PDE3A: variants seen among roughly 807,000 people sequenced by gnomAD.
The protein encoded by PDE3A is cGMP-inhibited 3',5'-cyclic phosphodiesterase 3A.
PDE3A carries 43 observed loss-of-function variants against 98.3 expected under a neutral mutation model. The ratio of observed to expected loss-of-function variants is 0.44; its 90% CI spans 0.34 to 0.56. The LOEUF is 0.56. Ranked by LOEUF, PDE3A falls within the 20% of genes least tolerant of loss-of-function variation. The probability of loss-of-function intolerance (pLI) is 0.01; values close to 1 mark genes in which losing one functional copy is unlikely to be tolerated. For missense variants in PDE3A, 1,427 were observed against 1,440.7 expected (o/e 0.99, Z 0.15); for synonymous variants, 663 against 567.9 (o/e 1.17, Z -2.38).
intron 15 of PDE3A, among the ~76,000 whole-genome samples, chr12:20,657,561 A>G (rs924049483): frequency 8.5e-5 from 13 of 152,222 alleles, no homozygotes; most frequent in African/African-American, 2.9e-4. Context: ...AGATTCCTAC[A>G]GTGAACTAAG....
intron 1 of PDE3A, among the ~76,000 whole-genome samples, chr12:20,451,303 T>C (rs1945059936): frequency 6.6e-6 from 1 of 152,234 alleles, no homozygotes; most frequent in South Asian, 2.1e-4. Flanking sequence ...AGGTGGAGTC[T>C]TGCTCTGTCT....
At chr12:20,507,942 CT>C (rs1946148817) in intron 1 of PDE3A, among the ~76,000 whole-genome samples, 1 of 152,178 alleles carries the variant, frequency 6.6e-6, no homozygotes, top group Admixed American at 6.5e-5. Context: ...CTTTCAGAAC[CT>C]GAGTCAGTTA....
chr12:20,491,104 T>A (rs1372995260), intron 1 of PDE3A, among the ~76,000 whole-genome samples: 1 of 152,182 alleles, frequency 6.6e-6, no homozygotes, highest in Non-Finnish European at 1.5e-5. Flanking sequence ...TACTTTTCTA[T>A]TCAAGAATTT....
At position 20,646,966 on chromosome 12, in the gene PDE3A, T is replaced by C; in HGVS notation, c.2565+16T>C. On this transcript the variant is annotated intron_variant, in intron 12 of 15. Coordinates refer to ENST00000359062, the MANE Select transcript of PDE3A (RefSeq NM_000921.5). Reference sequence around the variant, plus strand: ...TGCTCCTCAGGTAAATCTTTAGATTTTGGTTAGGAGAACTAATTTAAAGAT... The same window carrying C: ...TGCTCCTCAGGTAAATCTTTAGATTCTGGTTAGGAGAACTAATTTAAAGAT... 1 of 1,578,656 alleles carries C rather than the reference T, an allele frequency of 6.3e-7. No individual in the cohort carries two copies. The highest frequency in any genetic ancestry group is 2.2e-5 in the East Asian group (1 of 44,678).
At chr12:20,461,562 G>T (rs112693745) in intron 1 of PDE3A, among the ~76,000 whole-genome samples, 5,359 of 152,098 alleles carry the variant, frequency 0.035, 140 homozygotes, top group Middle Eastern at 0.065. Context: ...TTTACATAAA[G>T]ATATAAAACA....
At chr12:20,610,671 C>T (rs1355727188) in intron 2 of PDE3A, among the ~76,000 whole-genome samples, 10 of 151,860 alleles carry the variant, frequency 6.6e-5, no homozygotes, top group East Asian at 1.9e-4. Flanking sequence ...TATGCACACA[C>T]GTATATACAT....
intron 1 of PDE3A, among the ~76,000 whole-genome samples, chr12:20,400,379 GTTTTTTTTTTTTTTTTTTTTTTTTTTT>G (rs75851941): frequency 3.6e-5 from 4 of 110,262 alleles, no homozygotes; most frequent in Non-Finnish European, 7.0e-5. Context: ...GTTAACATTG[GTTTTTTTTTTTTTTTTTTTTTTTTTTT>G]TTTTTTTTTT....
At chr12:20,475,359 T>C (rs1371587055) in intron 1 of PDE3A, among the ~76,000 whole-genome samples, 1 of 152,062 alleles carries the variant, frequency 6.6e-6, no homozygotes, top group East Asian at 1.9e-4. Flanking sequence ...GGCATAATCT[T>C]AGTAAAGCGT....
intron 1 of PDE3A, among the ~76,000 whole-genome samples, chr12:20,541,491 G>A (rs964806117): frequency 6.6e-6 from 1 of 151,964 alleles, no homozygotes; most frequent in Non-Finnish European, 1.5e-5. Context: ...CAAGTCTCTC[G>A]GTTCTTGTAC....
At chr12:20,643,813 T>G (rs1234697210) in intron 10 of PDE3A, among the ~76,000 whole-genome samples, 2 of 152,132 alleles carry the variant, frequency 1.3e-5, no homozygotes, top group African/African-American at 4.8e-5. Flanking sequence ...GTTGAAAGTT[T>G]GTTTTTTGTT....
At chr12:20,445,445 A>G (rs1186487737) in intron 1 of PDE3A, among the ~76,000 whole-genome samples, 2 of 152,144 alleles carry the variant, frequency 1.3e-5, no homozygotes, top group African/African-American at 4.8e-5. Context: ...ACCCTGAAAA[A>G]CTTTCCCTCG....
intron 2 of PDE3A, among the ~76,000 whole-genome samples, chr12:20,565,416 T>A (rs1416851267): frequency 6.6e-6 from 1 of 152,046 alleles, no homozygotes; most frequent in East Asian, 1.9e-4. Flanking sequence ...AGGGAAGTTC[T>A]GTGGGTGGAT....
chr12:20,380,915 A>T (rs746282306), intron 1 of PDE3A, among the ~76,000 whole-genome samples: 7 of 151,912 alleles, frequency 4.6e-5, no homozygotes, highest in Non-Finnish European at 8.8e-5. Flanking sequence ...AAGCAAAATC[A>T]TTTAACTTTG....
intron 1 of PDE3A, among the ~76,000 whole-genome samples, chr12:20,391,210 G>A (rs1260724664): frequency 6.6e-6 from 1 of 151,580 alleles, no homozygotes; most frequent in African/African-American, 2.4e-5. Context: ...ATCAGGTTGA[G>A]TTCCACTTTG....
chr12:20,377,569 GT>G (rs1050308577), intron 1 of PDE3A, among the ~76,000 whole-genome samples: 1 of 151,652 alleles, frequency 6.6e-6, no homozygotes, highest in African/African-American at 2.4e-5. Context: ...AGATACTAAT[GT>G]CACCTCTTCA....
intron 1 of PDE3A, among the ~76,000 whole-genome samples, chr12:20,395,185 C>A (rs1591882150): frequency 6.6e-6 from 1 of 152,022 alleles, no homozygotes; most frequent in East Asian, 2.0e-4. Flanking sequence ...AATGATTAGT[C>A]TCTCTGAGAC....
intron 1 of PDE3A, among the ~76,000 whole-genome samples, chr12:20,395,474 A>G (rs1943993473): frequency 7.5e-6 from 1 of 132,482 alleles, no homozygotes; most frequent in Non-Finnish European, 1.6e-5. Flanking sequence ...TATGTATACT[A>G]TGTATACACA....
At chr12:20,458,395 C>A (rs916714071) in intron 1 of PDE3A, among the ~76,000 whole-genome samples, 6 of 150,526 alleles carry the variant, frequency 4.0e-5, no homozygotes, top group East Asian at 2.0e-4. Context: ...AAAAAAAAAA[C>A]CAATTTTGGG....
chr12:20,646,549 C>A lies in PDE3A; in HGVS notation c.2311C>A (p.Pro771Thr). Reference protein sequence around the residue: ...LHAVWYLTTQPIPGLSTVIND... With the variant: ...LHAVWYLTTQTIPGLSTVIND... ...TGCTGTTTGGTATCTTACTACACAG[C>A]CTATTCCAGGCCTCTCAACTGTGAT... is the stretch of plus-strand genomic sequence containing the variant. Residue 771 changes from proline (P) to threonine (T), a missense_variant, in exon 11 of 16, where the codon CCT becomes ACT. This residue lies in a region of PDE3A where 273 missense variants were observed against 420.3 expected (regional missense o/e 0.65). Coordinates refer to ENST00000359062, the MANE Select transcript of PDE3A (RefSeq NM_000921.5). The A allele has an allele frequency of 6.2e-7, 1 of 1,610,860 alleles. No individual in the cohort carries two copies. The highest frequency in any genetic ancestry group is 8.5e-7 in the Non-Finnish European group (1 of 1,177,086).
Sources: gnomAD v4.1 joint callset for allele counts (sites outside exome capture counted in the v4.1 genomes callset) on GRCh38, gnomAD v4.1.1 for gene constraint, gnomAD v4.1.1 regional missense constraint, MANE v1.5 for transcripts, NCBI Gene and HGNC (gene_info 2026-07-23, HGNC 2026-07-21) for gene names.